MBD5: variants seen among roughly 807,000 people sequenced by gnomAD.
MBD5 encodes the protein methyl-CpG-binding domain protein 5.
Under a neutral mutation model 117.3 loss-of-function variants are expected in MBD5, and 13 were observed. That is an observed-to-expected ratio of 0.11 (90% CI 0.07 to 0.18). The LOEUF (loss-of-function observed/expected upper bound fraction) is 0.18. Among genes scored for constraint, MBD5 ranks in the 10% least tolerant of loss-of-function variants. The pLI is 1.00. For synonymous variants in MBD5, 727 were observed against 766.4 expected, an observed-to-expected ratio of 0.95 and a Z score of 0.85; for missense variants, 1,879 against 2,093.8, an observed-to-expected ratio of 0.90 and a Z score of 2.00.
In MBD5 at chr2:148,490,159, T is replaced by C. The variant is rs766687757; in HGVS notation, c.4527T>C (p.Phe1509=). 3.7e-6 allele frequency: 6 copies of C among 1,614,018 alleles called. No individual in the cohort carries two copies. The highest frequency in any genetic ancestry group is 1.1e-5 in the South Asian group (1 of 91,048). Residue 1509 remains phenylalanine (F), a synonymous_variant, in exon 11 of 14, where the codon TTT becomes TTC. Coordinates refer to ENST00000642680, the MANE Select transcript of MBD5 (RefSeq NM_001378120.1). ...ACTACAAAAGAACTATGATGAGTTTTAAGGAGAGACTAGAGAACACTGTGG... is the reference window on the plus strand; with the variant it reads ...ACTACAAAAGAACTATGATGAGTTTCAAGGAGAGACTAGAGAACACTGTGG... ...YNNYKRTMMS[F]KERLENTVER... is the part of the protein sequence containing the mutation.
At chr2:148,483,054 C>A in intron 8 of MBD5, 56 bp from the exon 9 acceptor site, 1 of 1,576,870 alleles carries the variant, frequency 6.3e-7, no homozygotes, top group Non-Finnish European at 8.6e-7. Flanking sequence ...TGCCTAGTCT[C>A]ACATAACATT....
intron 1 of MBD5, among the ~76,000 whole-genome samples, chr2:148,084,396 C>T (rs1695725988): frequency 6.6e-6 from 1 of 152,106 alleles, no homozygotes; most frequent in Non-Finnish European, 1.5e-5. Context: ...TTTTGACAGA[C>T]CTCAGGTAAT....
intron 2 of MBD5, among the ~76,000 whole-genome samples, chr2:148,228,925 A>T (rs1291698030): frequency 1.3e-5 from 2 of 152,132 alleles, no homozygotes; most frequent in Non-Finnish European, 2.9e-5. Context: ...CTCTGATGGT[A>T]GTTTGTATTT....
intron 1 of MBD5, among the ~76,000 whole-genome samples, chr2:148,065,322 G>A (rs1239776159): frequency 6.6e-6 from 1 of 152,130 alleles, no homozygotes; most frequent in Non-Finnish European, 1.5e-5. Flanking sequence ...TAAGGTAGGA[G>A]GGGGAGGAAC....
intron 3 of MBD5, among the ~76,000 whole-genome samples, chr2:148,279,297 G>A (rs1701184686): frequency 6.6e-6 from 1 of 152,144 alleles, no homozygotes; most frequent in Non-Finnish European, 1.5e-5. Context: ...GGGTGTGGTG[G>A]CATGAGCCTA....
intron 1 of MBD5, among the ~76,000 whole-genome samples, chr2:148,043,226 C>A (rs1694415308): frequency 6.6e-6 from 1 of 151,354 alleles, no homozygotes; most frequent in African/African-American, 2.4e-5. Flanking sequence ...GAGATTGAGA[C>A]CATCCTGGCT....
At chr2:148,296,216 T>G (rs911050415) in intron 3 of MBD5, 1 of 194,440 alleles carries the variant, frequency 5.1e-6, no homozygotes, top group Non-Finnish European at 1.1e-5. Flanking sequence ...TAAGTGACCA[T>G]TTTGTTTATC....
At chr2:148,446,814 G>A (rs1313719862) in intron 4 of MBD5, among the ~76,000 whole-genome samples, 2 of 151,852 alleles carry the variant, frequency 1.3e-5, no homozygotes, top group East Asian at 1.9e-4. Flanking sequence ...CACAGAATAT[G>A]GTAATATCTC....
At chr2:148,390,672 C>T (rs1414326388) in intron 4 of MBD5, among the ~76,000 whole-genome samples, 2 of 151,666 alleles carry the variant, frequency 1.3e-5, no homozygotes, top group Non-Finnish European at 2.9e-5. Flanking sequence ...ACCTCCTGGG[C>T]TCAAGTGATC....
chr2:148,298,325 G>A (rs997930234), intron 3 of MBD5, among the ~76,000 whole-genome samples: 1 of 152,138 alleles, frequency 6.6e-6, no homozygotes, highest in Non-Finnish European at 1.5e-5. Context: ...CTGGGAGGTG[G>A]GGAGAAGGGC....
chr2:148,277,673 T>A (rs1701148095), intron 3 of MBD5, among the ~76,000 whole-genome samples: 1 of 152,112 alleles, frequency 6.6e-6, no homozygotes, highest in African/African-American at 2.4e-5. Flanking sequence ...ATGCCTCTAT[T>A]TGTGCTCGTT....
At chr2:148,127,428 C>G (rs1026882642) in intron 1 of MBD5, among the ~76,000 whole-genome samples, 17 of 152,136 alleles carry the variant, frequency 1.1e-4, no homozygotes, top group African/African-American at 4.1e-4. Flanking sequence ...ATTCTTCCCA[C>G]TATGTGTCCA....
chr2:148,183,836 A>G (rs1158263070), intron 2 of MBD5, among the ~76,000 whole-genome samples: 1 of 152,122 alleles, frequency 6.6e-6, no homozygotes, highest in East Asian at 1.9e-4. Flanking sequence ...TCATAGCCTC[A>G]TAGTTGAATG....
At chr2:148,164,561 T>C (rs1698083360) in intron 1 of MBD5, among the ~76,000 whole-genome samples, 1 of 152,182 alleles carries the variant, frequency 6.6e-6, no homozygotes, top group Admixed American at 6.5e-5. Context: ...AGTGTTATAA[T>C]TAAGTATAAG....
intron 3 of MBD5, among the ~76,000 whole-genome samples, chr2:148,314,713 G>A (rs183321917): frequency 2.8e-4 from 43 of 152,152 alleles, no homozygotes; most frequent in African/African-American, 9.6e-4. Context: ...GATTACAGAC[G>A]TCTGCCACTG....
At chr2:148,376,413 G>C (rs1463298360) in intron 4 of MBD5, among the ~76,000 whole-genome samples, 2 of 149,566 alleles carry the variant, frequency 1.3e-5, no homozygotes, top group Non-Finnish European at 3.0e-5. Flanking sequence ...GACTACAGGC[G>C]CCCGCCACAA....
At chr2:148,464,890 A>T (rs753633746) in intron 7 of MBD5, among the ~76,000 whole-genome samples, 3 of 151,380 alleles carry the variant, frequency 2.0e-5, no homozygotes, top group Non-Finnish European at 2.9e-5. Context: ...AGATCTCTTG[A>T]ACCCAGAAGT....
intron 1 of MBD5, among the ~76,000 whole-genome samples, chr2:148,110,496 G>C (rs778352757): frequency 6.6e-6 from 1 of 152,098 alleles, no homozygotes; most frequent in Non-Finnish European, 1.5e-5. Context: ...TTGTGCATCA[G>C]AGCTCCCCTG....
At chr2:148,123,771 G>C (rs1696824107) in intron 1 of MBD5, among the ~76,000 whole-genome samples, 1 of 152,136 alleles carries the variant, frequency 6.6e-6, no homozygotes, top group South Asian at 2.1e-4. Context: ...GAAGACTGCT[G>C]AGATCTAACA....
Sources: gnomAD v4.1 joint callset for allele counts (sites outside exome capture counted in the v4.1 genomes callset) on GRCh38, gnomAD v4.1.1 for gene constraint, MANE v1.5 for transcripts, NCBI Gene and HGNC (gene_info 2026-07-23, HGNC 2026-07-21) for gene names.